Variants in IL1RAPL1 observed in about 807,000 individuals in gnomAD.
The protein encoded by IL1RAPL1 is interleukin 1 receptor accessory protein like 1.
IL1RAPL1 carries 3 observed loss-of-function variants against 48.4 expected under a neutral mutation model. The ratio of observed to expected loss-of-function variants is 0.06; its 90% CI spans 0.03 to 0.16. IL1RAPL1 has a LOEUF of 0.16. Ranked by LOEUF, IL1RAPL1 falls within the 10% of genes least tolerant of loss-of-function variation. IL1RAPL1 has a pLI of 1.00. For missense variants in IL1RAPL1, 349 were observed against 530.6 expected (o/e 0.66, Z 3.36); for synonymous variants, 185 against 187.7 (o/e 0.99, Z 0.12).
chrX:29,738,453 T>C (rs1238053063), intron 6 of IL1RAPL1, among the ~76,000 whole-genome samples: 1 of 101,398 alleles, frequency 9.9e-6, no homozygotes, highest in Non-Finnish European at 2.0e-5. Flanking sequence ...TTCTTTTCTT[T>C]TTTTTTTTTT....
chrX:29,419,696 G>A (rs1036939849), intron 5 of IL1RAPL1, among the ~76,000 whole-genome samples: 2 of 112,573 alleles, frequency 1.8e-5, no homozygotes, highest in Non-Finnish European at 3.7e-5. Flanking sequence ...TAATTACAGA[G>A]TATTTCAACA....
chrX:29,007,594 A>G (rs1926014317), intron 2 of IL1RAPL1, among the ~76,000 whole-genome samples: 1 of 112,229 alleles, frequency 8.9e-6, no homozygotes, highest in South Asian at 3.6e-4. Context: ...ATCATAAAGT[A>G]ATCTGGAGAG....
At chrX:29,007,933 C>A (rs1220335288) in intron 2 of IL1RAPL1, among the ~76,000 whole-genome samples, 1 of 111,582 alleles carries the variant, frequency 9.0e-6, no homozygotes, top group Non-Finnish European at 1.9e-5. Flanking sequence ...GAATGTATTA[C>A]ATTCATATTT....
intron 1 of IL1RAPL1, among the ~76,000 whole-genome samples, chrX:28,629,830 A>G (rs758793290): frequency 1.8e-5 from 2 of 112,114 alleles, no homozygotes; most frequent in African/African-American, 3.2e-5. Flanking sequence ...CTATTTAACA[A>G]TAGGCAAGCA....
chrX:29,314,420 T>G (rs1932760289), intron 3 of IL1RAPL1, among the ~76,000 whole-genome samples: 1 of 112,321 alleles, frequency 8.9e-6, no homozygotes. Context: ...AACAATCCAT[T>G]GTCCCATGAA....
At chrX:29,544,658 C>T (rs1220680842) in intron 5 of IL1RAPL1, among the ~76,000 whole-genome samples, 1 of 110,889 alleles carries the variant, frequency 9.0e-6, no homozygotes, top group Non-Finnish European at 1.9e-5. Flanking sequence ...TTTTAATTGC[C>T]TAGAACAATG....
intron 1 of IL1RAPL1, among the ~76,000 whole-genome samples, chrX:28,600,093 A>G (rs1371939909): frequency 8.9e-6 from 1 of 111,937 alleles, no homozygotes; most frequent in East Asian, 2.8e-4. Flanking sequence ...CAGGCCATTA[A>G]GAGGGGAATG....
intron 1 of IL1RAPL1, among the ~76,000 whole-genome samples, chrX:28,712,258 G>A (rs189357535): frequency 6.3e-4 from 70 of 110,714 alleles, no homozygotes; most frequent in African/African-American, 2.2e-3. Flanking sequence ...GGAAGATTGG[G>A]GATAATCCAG....
intron 6 of IL1RAPL1, among the ~76,000 whole-genome samples, chrX:29,706,915 T>C (rs1460097894): frequency 3.6e-5 from 4 of 110,796 alleles, no homozygotes; most frequent in Non-Finnish European, 5.7e-5. Context: ...CAAAAGCAAA[T>C]GTAAAAAAAA....
At chrX:29,860,194 T>C (rs1161163057) in intron 6 of IL1RAPL1, among the ~76,000 whole-genome samples, 1 of 110,753 alleles carries the variant, frequency 9.0e-6, no homozygotes, top group Non-Finnish European at 1.9e-5. Context: ...CTAGGAAGAG[T>C]GATGTGAAAA....
chrX:29,253,687 G>T (rs1204063789), intron 2 of IL1RAPL1, among the ~76,000 whole-genome samples: 1 of 111,128 alleles, frequency 9.0e-6, no homozygotes, highest in Admixed American at 9.6e-5. Flanking sequence ...AGTGTTCAGT[G>T]ATTAATGTGT....
chrX:28,932,038 T>A (rs1923895811), intron 2 of IL1RAPL1, among the ~76,000 whole-genome samples: 1 of 106,451 alleles, frequency 9.4e-6, no homozygotes, highest in African/African-American at 3.4e-5. Context: ...CGAGACTCCA[T>A]CTCAAAAAAA....
At chrX:28,850,833 G>GT (rs368433174) in intron 2 of IL1RAPL1, among the ~76,000 whole-genome samples, 1,411 of 86,867 alleles carry the variant, frequency 0.016, 28 homozygotes, top group African/African-American at 0.04. Context: ...TACCCCTATG[G>GT]TTTTTTTTTT....
chrX:28,829,863 T>C (rs767685118), intron 2 of IL1RAPL1, among the ~76,000 whole-genome samples: 22 of 110,967 alleles, frequency 2.0e-4, no homozygotes, highest in Non-Finnish European at 3.8e-4. Context: ...CGGCCTGGAA[T>C]TTTTTCAGAT....
intron 2 of IL1RAPL1, among the ~76,000 whole-genome samples, chrX:29,165,100 C>T (rs1314712322): frequency 2.7e-5 from 3 of 112,007 alleles, no homozygotes; most frequent in Non-Finnish European, 3.8e-5. Context: ...GGGTGGATCA[C>T]CTGAGGTCAG....
In IL1RAPL1 at chrX:29,203,043, AC is replaced by A. The variant is rs758021602; in HGVS notation, c.83-79894del. On this transcript the variant is annotated intron_variant, in intron 2 of 10. Transcript: ENST00000378993. ...AAACAAAAAATTGTCAAGACAGACTACTACAACAGGGGAGAAAGATTTTAGT... is the reference window on the plus strand; with the variant it reads ...AAACAAAAAATTGTCAAGACAGACTATACAACAGGGGAGAAAGATTTTAGT... 4.5e-5 allele frequency among the ~76,000 whole-genome samples: 5 copies of A among 112,039 alleles called. No individual in the cohort carries two copies. In the East Asian group the frequency reaches 1.4e-3, roughly 32 times the overall value.
chrX:29,211,733 C>G (rs1389574917), intron 2 of IL1RAPL1, among the ~76,000 whole-genome samples: 2 of 110,929 alleles, frequency 1.8e-5, no homozygotes, highest in African/African-American at 6.6e-5. Flanking sequence ...AATTCCTAAT[C>G]CGTACGAGAC....
intron 3 of IL1RAPL1, among the ~76,000 whole-genome samples, chrX:29,312,211 G>C (rs1433592453): frequency 9.0e-6 from 1 of 111,430 alleles, no homozygotes; most frequent in Non-Finnish European, 1.9e-5. Context: ...AGGCCGAGGA[G>C]GGTGGATCGC....
chrX:29,090,191 T>G (rs1401120014), intron 2 of IL1RAPL1, among the ~76,000 whole-genome samples: 1 of 111,241 alleles, frequency 9.0e-6, no homozygotes, highest in Non-Finnish European at 1.9e-5. Context: ...ATCAGTAAAA[T>G]AGATGTTTTA....
Sources: allele counts gnomAD v4.1 joint callset (sites outside exome capture counted in the v4.1 genomes callset), GRCh38; gene constraint gnomAD v4.1.1; transcripts MANE v1.5; gene names NCBI Gene and HGNC (gene_info 2026-07-23, HGNC 2026-07-21).